The following SLC35F4 variants were observed in gnomAD, a reference collection of about 807,000 sequenced individuals.
The protein encoded by SLC35F4 is chromosome 14 open reading frame 36.
In SLC35F4, 24 loss-of-function variants were observed where a neutral mutation model predicts 44.2. The ratio of observed to expected loss-of-function variants is 0.54; its 90% confidence interval spans 0.39 to 0.76. The LOEUF (loss-of-function observed/expected upper bound fraction) is 0.76. SLC35F4 is among the 30% of genes least tolerant of loss of function. The pLI is 0.00. For missense variants in SLC35F4, 562 were observed against 586.1 expected (o/e 0.96, Z 0.42); for synonymous variants, 238 against 223.6 (o/e 1.06, Z -0.57).
At chr14:57,925,274 T>C (rs1157517794) in intron 1 of SLC35F4, among the ~76,000 whole-genome samples, 2 of 152,166 alleles carry the variant, frequency 1.3e-5, no homozygotes, top group Non-Finnish European at 2.9e-5. Context: ...TTATAATGTC[T>C]GCCTTGTAAT....
At chr14:57,839,754 A>T (rs1885311079) in intron 1 of SLC35F4, among the ~76,000 whole-genome samples, 1 of 151,562 alleles carries the variant, frequency 6.6e-6, no homozygotes, top group Non-Finnish European at 1.5e-5. Context: ...CCTGAACTTT[A>T]AAAAAAAAGT....
chr14:57,949,533 T>C lies in SLC35F4; in HGVS notation n.282+32380A>G, dbSNP rs528131215. ...GCATTTAAGCCATTTGCAATGTCAA[T>C]ATTGAGATGTGAGGTACTGTTCTAT... On this transcript the variant is annotated intron_variant and non_coding_transcript_variant, in intron 1 of 1. Coordinates refer to the SLC35F4 transcript ENST00000556568. 2.0e-5 allele frequency among the ~76,000 whole-genome samples: 3 copies of C among 152,324 alleles called. No homozygotes were observed. In the South Asian group the frequency reaches 6.2e-4, roughly 32 times the overall value.
rs1594914591 is a variant in SLC35F4 at position 57,734,611 on chromosome 14, G to A, written c.103+131112C>T. Reference sequence around the variant, plus strand: ...ACTATATTAAGCTGGGACAACACAGGGAAAATCACTCCAGGGATTTATAGC... The same window carrying A: ...ACTATATTAAGCTGGGACAACACAGAGAAAATCACTCCAGGGATTTATAGC... On this transcript the variant is annotated intron_variant, in intron 1 of 7. Transcript: ENST00000556826. Among the ~76,000 whole-genome samples, 6 of 152,028 alleles carry A rather than the reference G, an allele frequency of 3.9e-5. No homozygotes were observed. In the South Asian group the frequency reaches 1.2e-3, roughly 32 times the overall value.
intron 1 of SLC35F4, among the ~76,000 whole-genome samples, chr14:57,664,538 A>G (rs1322062386): frequency 3.3e-5 from 5 of 152,084 alleles, no homozygotes; most frequent in Non-Finnish European, 7.4e-5. Flanking sequence ...CCTCCCAAGT[A>G]GCTAGGACTA....
At chr14:57,795,342 T>C (rs1216684066) in intron 1 of SLC35F4, among the ~76,000 whole-genome samples, 3 of 152,178 alleles carry the variant, frequency 2.0e-5, no homozygotes, top group East Asian at 3.8e-4. Flanking sequence ...CCTGGTAGTC[T>C]AGAAGAAGCT....
chr14:57,594,431 A>T (rs148150044), intron 1 of SLC35F4, among the ~76,000 whole-genome samples: 1 of 152,194 alleles, frequency 6.6e-6, no homozygotes, highest in African/African-American at 2.4e-5. Context: ...AGGCCTGAAC[A>T]GTAAAATATA....
At chr14:57,762,474 A>G (rs946749790) in intron 1 of SLC35F4, among the ~76,000 whole-genome samples, 1 of 152,186 alleles carries the variant, frequency 6.6e-6, no homozygotes, top group African/African-American at 2.4e-5. Context: ...AGGATATTTT[A>G]CAACTCTGTA....
chr14:57,779,790 G>A (rs969442393), intron 1 of SLC35F4, among the ~76,000 whole-genome samples: 5 of 151,900 alleles, frequency 3.3e-5, no homozygotes, highest in African/African-American at 4.8e-5. Context: ...CAATAAAATC[G>A]ATAAATGTGC....
chr14:57,788,778 C>T (rs2180809), intron 1 of SLC35F4, among the ~76,000 whole-genome samples: 39,937 of 151,872 alleles, frequency 0.26, 5,744 homozygotes, highest in Admixed American at 0.38. Context: ...AAACGCTCCT[C>T]GACAAATGCA....
At chr14:57,790,101 T>A (rs1047945223) in intron 1 of SLC35F4, among the ~76,000 whole-genome samples, 3 of 152,108 alleles carry the variant, frequency 2.0e-5, no homozygotes, top group Non-Finnish European at 4.4e-5. Context: ...AGGATGCCCT[T>A]TCTCACCACT....
At chr14:57,946,469 C>G (rs111382361) in intron 1 of SLC35F4, among the ~76,000 whole-genome samples, 1 of 78,214 alleles carries the variant, frequency 1.3e-5, no homozygotes, top group African/African-American at 5.8e-5. Context: ...GTTTTCTTTT[C>G]TTTTTTTTTT....
At chr14:57,790,561 C>G (rs2077891365) in intron 1 of SLC35F4, among the ~76,000 whole-genome samples, 1 of 152,128 alleles carries the variant, frequency 6.6e-6, no homozygotes, top group African/African-American at 2.4e-5. Context: ...CCATACTGCC[C>G]AAAGTAATTT....
chr14:57,628,094 G>A (rs1443490335), intron 1 of SLC35F4, among the ~76,000 whole-genome samples: 4 of 151,428 alleles, frequency 2.6e-5, no homozygotes, highest in East Asian at 3.9e-4. Context: ...CCTTGTCTAC[G>A]TACATTTTTG....
At chr14:57,801,326 T>G (rs1180681283) in intron 1 of SLC35F4, among the ~76,000 whole-genome samples, 1 of 152,138 alleles carries the variant, frequency 6.6e-6, no homozygotes, top group Non-Finnish European at 1.5e-5. Context: ...CTTACGGAAT[T>G]TATCACCACC....
intron 1 of SLC35F4, among the ~76,000 whole-genome samples, chr14:57,704,512 C>G (rs964581087): frequency 5.3e-5 from 8 of 152,012 alleles, no homozygotes; most frequent in African/African-American, 1.9e-4. Context: ...CCTTTGAGGA[C>G]CCTATGGTTA....
At chr14:57,688,053 C>T (rs1176323118) in intron 1 of SLC35F4, among the ~76,000 whole-genome samples, 9 of 152,038 alleles carry the variant, frequency 5.9e-5, no homozygotes, top group Non-Finnish European at 4.4e-5. Context: ...TTAGAGAATT[C>T]TGATAGATAT....
chr14:57,704,251 T>C (rs989422273), intron 1 of SLC35F4, among the ~76,000 whole-genome samples: 1 of 152,150 alleles, frequency 6.6e-6, no homozygotes, highest in African/African-American at 2.4e-5. Flanking sequence ...TGGTTTCCTA[T>C]GTGTAAAAGT....
At chr14:57,884,914 T>C (rs894402932) in intron 1 of SLC35F4, among the ~76,000 whole-genome samples, 12 of 152,176 alleles carry the variant, frequency 7.9e-5, no homozygotes, top group African/African-American at 2.9e-4. Flanking sequence ...CTCTATGCTG[T>C]GATAAGGATA....
intron 1 of SLC35F4, among the ~76,000 whole-genome samples, chr14:57,642,911 T>G (rs572207760): frequency 6.6e-6 from 1 of 151,974 alleles, no homozygotes; most frequent in African/African-American, 2.4e-5. Context: ...CTTTGGCATA[T>G]CTTTAGATTG....
Sources: gnomAD v4.1 joint callset for allele counts (sites outside exome capture counted in the v4.1 genomes callset) on GRCh38, gnomAD v4.1.1 for gene constraint, MANE v1.5 for transcripts, NCBI Gene and HGNC (gene_info 2026-07-23, HGNC 2026-07-21) for gene names.